Variants in HS6ST3 observed in about 807,000 individuals in gnomAD.
The protein encoded by HS6ST3 is heparan sulfate 6-O-sulfotransferase 3.
In HS6ST3, 12 loss-of-function variants were observed where a neutral mutation model predicts 36.7. The ratio of observed to expected loss-of-function variants is 0.33; its 90% confidence interval spans 0.21 to 0.53. The LOEUF (loss-of-function observed/expected upper bound fraction) is 0.53. Ranked by LOEUF, HS6ST3 falls within the 20% of genes least tolerant of loss-of-function variation. HS6ST3 has a pLI of 0.95. For synonymous variants in HS6ST3, 240 were observed against 257.5 expected (o/e 0.93, Z 0.65); for missense variants, 584 against 640.9 (o/e 0.91, Z 0.96).
At chr13:96,229,454 G>A (rs753476941) in intron 1 of HS6ST3, among the ~76,000 whole-genome samples, 3 of 152,168 alleles carry the variant, frequency 2.0e-5, no homozygotes, top group African/African-American at 2.4e-5. Flanking sequence ...TGGTCCTAGT[G>A]AGGGCTCTCT....
chr13:96,133,253 G>A (rs947088376), intron 1 of HS6ST3, among the ~76,000 whole-genome samples: 2 of 151,948 alleles, frequency 1.3e-5, no homozygotes, highest in Admixed American at 6.5e-5. Flanking sequence ...GTCAGCCTCC[G>A]AGTAGCTGGG....
At chr13:96,385,109 G>T (rs2139448285) in intron 1 of HS6ST3, among the ~76,000 whole-genome samples, 1 of 150,134 alleles carries the variant, frequency 6.7e-6, no homozygotes, top group East Asian at 2.0e-4. Flanking sequence ...AACCCAGGAG[G>T]CAGAGGTTGC....
chr13:96,243,983 G>A (rs928677554), intron 1 of HS6ST3, among the ~76,000 whole-genome samples: 3 of 151,536 alleles, frequency 2.0e-5, no homozygotes, highest in East Asian at 2.0e-4. Flanking sequence ...GGGAGCAGTG[G>A]ACTTCAAGAT....
intron 1 of HS6ST3, among the ~76,000 whole-genome samples, chr13:96,120,676 G>GT (rs1172515369): frequency 6.6e-6 from 1 of 151,912 alleles, no homozygotes; most frequent in Non-Finnish European, 1.5e-5. Context: ...ATTTTACTTG[G>GT]TTTTTTCTGC....
At chr13:96,667,980 C>T (rs2056669701) in intron 1 of HS6ST3, among the ~76,000 whole-genome samples, 1 of 152,186 alleles carries the variant, frequency 6.6e-6, no homozygotes, top group Non-Finnish European at 1.5e-5. Flanking sequence ...AAAGCACCTA[C>T]TGTTTTTGTT....
intron 1 of HS6ST3, among the ~76,000 whole-genome samples, chr13:96,676,094 G>T (rs2056698027): frequency 2.0e-5 from 3 of 152,144 alleles, no homozygotes; most frequent in African/African-American, 7.2e-5. Context: ...CTGTTAGTTT[G>T]CTAGGGCTGT....
At chr13:96,697,621 T>C (rs1875163733) in intron 1 of HS6ST3, among the ~76,000 whole-genome samples, 1 of 152,116 alleles carries the variant, frequency 6.6e-6, no homozygotes, top group Non-Finnish European at 1.5e-5. Flanking sequence ...AATGTCCAGA[T>C]AGAAAATGTT....
At position 96,152,495 on chromosome 13, in the gene HS6ST3, G is replaced by A. The variant is rs578083988; in HGVS notation, c.707+60926G>A. ...TGGGACTACAGGCGCCCGCCACCACGCCCGGCTAATTTTTTGTACTTTTAG... is the reference window on the plus strand; with the variant it reads ...TGGGACTACAGGCGCCCGCCACCACACCCGGCTAATTTTTTGTACTTTTAG... On this transcript the variant is annotated intron_variant, in intron 1 of 1. Transcript: ENST00000376705. Among the ~76,000 whole-genome samples, 6 of 151,834 alleles carry A rather than the reference G, an allele frequency of 4.0e-5. No individual in the cohort carries two copies. In the South Asian group the frequency reaches 1.2e-3, roughly 32 times the overall value.
chr13:96,189,054 A>G (rs1199569883), intron 1 of HS6ST3, among the ~76,000 whole-genome samples: 10 of 152,170 alleles, frequency 6.6e-5, no homozygotes, highest in Non-Finnish European at 1.5e-5. Flanking sequence ...AATGGAAAAT[A>G]CATTTCAGTT....
intron 1 of HS6ST3, among the ~76,000 whole-genome samples, chr13:96,246,412 G>A (rs1594730130): frequency 2.0e-5 from 3 of 152,122 alleles, no homozygotes; most frequent in African/African-American, 4.8e-5. Flanking sequence ...ATACATTATC[G>A]AGGACATTTG....
At chr13:96,706,522 T>C (rs985561566) in intron 1 of HS6ST3, among the ~76,000 whole-genome samples, 34 of 150,438 alleles carry the variant, frequency 2.3e-4, no homozygotes, top group African/African-American at 8.3e-4. Flanking sequence ...GGAGGTGGGC[T>C]TTTACAACAA....
intron 1 of HS6ST3, among the ~76,000 whole-genome samples, chr13:96,240,290 T>C (rs1232132333): frequency 6.6e-6 from 1 of 152,094 alleles, no homozygotes; most frequent in African/African-American, 2.4e-5. Context: ...GTGCTGTGAT[T>C]GAGAAATTAA....
chr13:96,334,835 C>T (rs750570970), intron 1 of HS6ST3, among the ~76,000 whole-genome samples: 3 of 152,250 alleles, frequency 2.0e-5, no homozygotes, highest in South Asian at 4.1e-4. Flanking sequence ...ACAGCCAAAC[C>T]GTTATCAACT....
intron 1 of HS6ST3, among the ~76,000 whole-genome samples, chr13:96,243,138 T>C (rs920266090): frequency 1.3e-5 from 2 of 152,254 alleles, no homozygotes; most frequent in African/African-American, 4.8e-5. Context: ...TATTTTGCGC[T>C]GTCTTCAAAA....
At chr13:96,108,858 T>A (rs1015996126) in intron 1 of HS6ST3, among the ~76,000 whole-genome samples, 3 of 152,158 alleles carry the variant, frequency 2.0e-5, no homozygotes, top group Non-Finnish European at 4.4e-5. Context: ...AAGCTCCTCA[T>A]CCTTCAGTAT....
chr13:96,649,630 C>T (rs2056600614), intron 1 of HS6ST3, among the ~76,000 whole-genome samples: 1 of 152,098 alleles, frequency 6.6e-6, no homozygotes, highest in Admixed American at 6.6e-5. Flanking sequence ...CTGTCCACTT[C>T]CTCCACCTCC....
chr13:96,336,432 G>T (rs1479666040), intron 1 of HS6ST3, among the ~76,000 whole-genome samples: 1 of 152,166 alleles, frequency 6.6e-6, no homozygotes, highest in East Asian at 1.9e-4. Flanking sequence ...GAATGTGACT[G>T]TACTTGGATA....
At chr13:96,158,047 G>A (rs1370786530) in intron 1 of HS6ST3, among the ~76,000 whole-genome samples, 3 of 152,190 alleles carry the variant, frequency 2.0e-5, no homozygotes, top group Non-Finnish European at 4.4e-5. Flanking sequence ...ACATCGAGGA[G>A]GAAATGAGTT....
rs201778779 is a variant in HS6ST3, at chr13:96,833,245, T to A, written c.*47T>A. ...AGGAGGGGGAGGGTGAGCAGGCACA[T>A]TGACTTTCTGTTGAGGTACCTTGGA... On this transcript the variant is annotated 3_prime_UTR_variant, in exon 2 of 2. Coordinates refer to ENST00000376705, the MANE Select transcript of HS6ST3 (RefSeq NM_153456.4). The A allele has an allele frequency of 3.2e-4, 453 of 1,420,768 alleles. 1 individual carries two copies. Among genetic ancestry groups the A allele is most frequent in the Non-Finnish European group, 4.1e-4 (439 of 1,077,060 alleles). The allele number at this position is 1,420,768 out of a possible 1,614,324, so 88.0% of individuals were successfully genotyped here. A position where few individuals can be genotyped will look rare whatever the true frequency, so the allele number is the denominator to read the frequency against.
Sources: gnomAD v4.1 joint callset for allele counts (sites outside exome capture counted in the v4.1 genomes callset) on GRCh38, gnomAD v4.1.1 for gene constraint, MANE v1.5 for transcripts, NCBI Gene and HGNC (gene_info 2026-07-23, HGNC 2026-07-21) for gene names.